NPAS2: variants seen among roughly 807,000 people sequenced by gnomAD.
NPAS2 encodes neuronal PAS domain protein 2.
Under a neutral mutation model 107.5 loss-of-function variants are expected in NPAS2, and 23 were observed. That is an observed-to-expected ratio of 0.21 (90% CI 0.15 to 0.30). NPAS2 has a LOEUF of 0.30. Among genes scored for constraint, NPAS2 ranks in the 10% least tolerant of loss-of-function variants. The pLI is 1.00. For missense variants in NPAS2, 756 were observed against 1,043.3 expected (o/e 0.72, Z 3.79); for synonymous variants, 403 against 417.5 (o/e 0.97, Z 0.42).
In NPAS2 at chr2:100,988,627, C is replaced by T. The variant is rs1010170773; in HGVS notation, c.1827+351C>T. 1.7e-5 allele frequency: 6 copies of T among 343,088 alleles called. No homozygotes were observed. In the Admixed American group the frequency reaches 1.8e-4, roughly 10 times the overall value. 21.3% of individuals were successfully genotyped at this position (343,088 alleles called of 1,614,324 possible). ...CCACTGGCAGCTGAATGTCCCAACACTCAACGTCCATGGTCCCCGCCATCT... is the reference window on the plus strand; with the variant it reads ...CCACTGGCAGCTGAATGTCCCAACATTCAACGTCCATGGTCCCCGCCATCT... On this transcript the variant is annotated intron_variant, in intron 17 of 20. Coordinates refer to ENST00000335681, the MANE Select transcript of NPAS2 (RefSeq NM_002518.4).
chr2:100,993,573 G>T, intron 20 of NPAS2, 46 bp downstream of exon 20: 1 of 1,396,964 alleles, frequency 7.2e-7, no homozygotes, highest in Non-Finnish European at 9.5e-7. Flanking sequence ...CTGGGAGCCG[G>T]GCCACGCTCC....
At position 100,849,414 on chromosome 2, in the gene NPAS2, G is replaced by A. The variant is rs114835343; in HGVS notation, c.-23+29000G>A. Among the ~76,000 whole-genome samples the A allele has an allele frequency of 3.5e-3, 530 of 152,256 alleles. 7 individuals are homozygous for A. The highest frequency in any genetic ancestry group is 0.012 in the African/African-American group (500 of 41,554). ...ATGGCTTGGAGCAAAGACAAGGGCTGTGAGTTCCAGCCCTGCCACCATTAG... is the reference window on the plus strand; with the variant it reads ...ATGGCTTGGAGCAAAGACAAGGGCTATGAGTTCCAGCCCTGCCACCATTAG... On this transcript the variant is annotated intron_variant, in intron 1 of 20. Transcript: ENST00000335681.
intron 7 of NPAS2, among the ~76,000 whole-genome samples, chr2:100,952,230 G>T (rs1257984769): frequency 1.3e-5 from 2 of 151,686 alleles, no homozygotes; most frequent in African/African-American, 4.8e-5. Flanking sequence ...GTGGCCTCGT[G>T]CACAGAGGGC....
Position 100,886,538 on chromosome 2 carries a change from A to G in NPAS2, c.-22-18195A>G, listed in dbSNP as rs116681770. On this transcript the variant is annotated intron_variant, in intron 1 of 20. Transcript: ENST00000335681. ...CTGAGCTAACAATTCATTGAGTTTT[A>G]TGCTGTCCCACATTCTAGCTGCTTT... Among the ~76,000 whole-genome samples, 1,180 of 152,232 alleles carry G rather than the reference A, an allele frequency of 7.8e-3. 11 individuals carry two copies. Among genetic ancestry groups the G allele is most frequent in the African/African-American group, 0.022 (925 of 41,546 alleles).
At chr2:100,929,400 C>G (rs998306295) in intron 3 of NPAS2, among the ~76,000 whole-genome samples, 2 of 152,204 alleles carry the variant, frequency 1.3e-5, no homozygotes, top group Admixed American at 1.3e-4. Context: ...ATTTATATCA[C>G]AGCTGCACTC....
intron 1 of NPAS2, among the ~76,000 whole-genome samples, chr2:100,838,642 A>G (rs1573432502): frequency 6.6e-6 from 1 of 152,208 alleles, no homozygotes; most frequent in Non-Finnish European, 1.5e-5. Flanking sequence ...CACCGGGGTC[A>G]GAAGACCCCT....
chr2:100,852,359 T>C (rs1366545396), intron 1 of NPAS2, among the ~76,000 whole-genome samples: 1 of 151,980 alleles, frequency 6.6e-6, no homozygotes, highest in African/African-American at 2.4e-5. Context: ...ATCGCACCAC[T>C]GCGCTCCAGC....
intron 1 of NPAS2, among the ~76,000 whole-genome samples, chr2:100,852,982 C>T (rs1252378589): frequency 2.0e-5 from 3 of 152,166 alleles, no homozygotes; most frequent in Non-Finnish European, 4.4e-5. Flanking sequence ...ATTAAATTAG[C>T]AAGCTGAACT....
intron 19 of NPAS2, 32 bp from the exon 20 acceptor site, chr2:100,993,315 A>G (rs1201607091): frequency 6.6e-7 from 1 of 1,518,464 alleles, no homozygotes; most frequent in Non-Finnish European, 8.9e-7. Flanking sequence ...GCTTTCTTAA[A>G]GGACCTGTTT....
At chr2:100,923,403 A>G (rs1363408549) in intron 2 of NPAS2, among the ~76,000 whole-genome samples, 1 of 152,200 alleles carries the variant, frequency 6.6e-6, no homozygotes, top group Non-Finnish European at 1.5e-5. Flanking sequence ...AAATAAAGGC[A>G]GGTTGTGTGC....
intron 7 of NPAS2, among the ~76,000 whole-genome samples, chr2:100,951,052 C>T (rs1402803364): frequency 6.6e-6 from 1 of 152,176 alleles, no homozygotes; most frequent in Non-Finnish European, 1.5e-5. Context: ...GACTCTCAGC[C>T]TTTGCCCTAA....
intron 7 of NPAS2, among the ~76,000 whole-genome samples, chr2:100,955,387 C>T (rs749863838): frequency 2.6e-5 from 4 of 152,114 alleles, no homozygotes; most frequent in African/African-American, 4.8e-5. Context: ...AAATAAGCAG[C>T]GGATAAAAAT....
Position 100,948,217 on chromosome 2 carries a change from C to A in NPAS2, c.364-18C>A. 1 of 1,609,772 alleles carries A rather than the reference C, an allele frequency of 6.2e-7. No individual in the cohort carries two copies. Among genetic ancestry groups the A allele is most frequent in the South Asian group, 1.1e-5 (1 of 89,552 alleles). On this transcript the variant is annotated intron_variant, in intron 5 of 20. Transcript: ENST00000335681. The stretch of plus-strand genomic sequence containing the variant: ...TCTTCGTTGAGGGTGTACCTTTGTC[C>A]TTTATTTTCTTTTTCAGTCGGATGT...
chr2:100,933,385 T>C (rs1684095088), intron 4 of NPAS2, among the ~76,000 whole-genome samples: 1 of 152,228 alleles, frequency 6.6e-6, no homozygotes, highest in Non-Finnish European at 1.5e-5. Flanking sequence ...CTGCTATGAT[T>C]ATACATTTTT....
chr2:100,916,186 C>T (rs140801220), intron 2 of NPAS2, among the ~76,000 whole-genome samples: 95 of 151,970 alleles, frequency 6.3e-4, no homozygotes, highest in African/African-American at 2.0e-3. Context: ...TAAACAATAA[C>T]CCAAAACAAA....
intron 2 of NPAS2, among the ~76,000 whole-genome samples, chr2:100,908,948 A>G (rs1682348301): frequency 6.6e-6 from 1 of 152,210 alleles, no homozygotes; most frequent in Admixed American, 6.5e-5. Context: ...TTTGACCCTA[A>G]TTCTTAGTCT....
At chr2:100,923,055 C>T (rs1683336893) in intron 2 of NPAS2, among the ~76,000 whole-genome samples, 1 of 152,188 alleles carries the variant, frequency 6.6e-6, no homozygotes, top group Non-Finnish European at 1.5e-5. Context: ...TAGACATTCA[C>T]TCTGAAAGTT....
rs554926404 is a variant in NPAS2 at position 100,875,722 on chromosome 2, C to A, written c.-22-29011C>A. 8.5e-5 allele frequency among the ~76,000 whole-genome samples: 13 copies of A among 152,348 alleles called. No homozygotes were observed. The East Asian group carries it at 2.5e-3, about 29-fold the overall frequency. ...ATTTAAAGTTTCTGGAATTTGCCAG[C>A]CTGCTTGGTCCCGAGGCCCAGATTA... On this transcript the variant is annotated intron_variant, in intron 1 of 20. Coordinates refer to ENST00000335681, the MANE Select transcript of NPAS2 (RefSeq NM_002518.4).
At chr2:100,819,979 G>C (rs1285347683), upstream of NPAS2, among the ~76,000 whole-genome samples, 1 of 151,684 alleles carries the variant, frequency 6.6e-6, no homozygotes, top group African/African-American at 2.4e-5. This position sits in a 1 kb window ranked among gnomAD's most constrained non-coding sequence, Gnocchi z 5.8. Flanking sequence ...CGGGGTGCTT[G>C]TCCCAGGCTG....
Sources: gnomAD v4.1 joint callset for allele counts (sites outside exome capture counted in the v4.1 genomes callset) on GRCh38, gnomAD v4.1.1 for gene constraint, Gnocchi (gnomAD v3.1) non-coding constraint, MANE v1.5 for transcripts, NCBI Gene and HGNC (gene_info 2026-07-23, HGNC 2026-07-21) for gene names.